CDH18: variants seen among roughly 807,000 people sequenced by gnomAD.
CDH18 encodes cadherin-18.
CDH18 carries 31 observed loss-of-function variants against 67.9 expected under a neutral mutation model. That is an observed-to-expected ratio of 0.46 (90% CI 0.34 to 0.62). CDH18 has a LOEUF of 0.62. Among genes scored for constraint, CDH18 ranks in the 20% least tolerant of loss-of-function variants. The pLI is 0.01. For synonymous variants in CDH18, 362 were observed against 347.2 expected, an observed-to-expected ratio of 1.04 and a Z score of -0.48; for missense variants, 890 against 975.5, an observed-to-expected ratio of 0.91 and a Z score of 1.17.
chr5:20,194,435 C>CA (rs1353817349), intron 2 of CDH18, among the ~76,000 whole-genome samples: 1 of 151,884 alleles, frequency 6.6e-6, no homozygotes, highest in Non-Finnish European at 1.5e-5. Flanking sequence ...ACTAAATCTA[C>CA]AAAAAAGACC....
chr5:20,268,999 A>G (rs778480484), intron 1 of CDH18, among the ~76,000 whole-genome samples: 5 of 152,212 alleles, frequency 3.3e-5, no homozygotes, highest in Non-Finnish European at 5.9e-5. Context: ...AATATCCACA[A>G]TATAGAAGTA....
At chr5:19,887,173 AC>A (rs1348075080) in intron 2 of CDH18, among the ~76,000 whole-genome samples, 1 of 147,224 alleles carries the variant, frequency 6.8e-6, no homozygotes, top group African/African-American at 2.5e-5. Context: ...TTTTTTTGCT[AC>A]CCTTGGCCAT....
chr5:19,659,583 A>T (rs1756885255), intron 5 of CDH18, among the ~76,000 whole-genome samples: 1 of 152,172 alleles, frequency 6.6e-6, no homozygotes, highest in Non-Finnish European at 1.5e-5. Context: ...TTGAAATTTA[A>T]TCTCTAATAC....
At chr5:19,487,661 A>T (rs915594040) in intron 11 of CDH18, among the ~76,000 whole-genome samples, 1 of 152,134 alleles carries the variant, frequency 6.6e-6, no homozygotes, top group African/African-American at 2.4e-5. Context: ...ATGTATTTTA[A>T]TATTTAAAAA....
At chr5:19,985,965 T>C (rs909493321) in intron 1 of CDH18, among the ~76,000 whole-genome samples, 7 of 152,194 alleles carry the variant, frequency 4.6e-5, no homozygotes, top group African/African-American at 1.7e-4. Context: ...ACTTAAGGTA[T>C]ACTTCTGTGC....
intron 5 of CDH18, among the ~76,000 whole-genome samples, chr5:19,629,975 C>T (rs1307585866): frequency 1.3e-5 from 2 of 152,026 alleles, no homozygotes; most frequent in African/African-American, 4.8e-5. Flanking sequence ...CTCACTCCAT[C>T]GTACAGGCTG....
At chr5:19,959,925 G>A (rs1379879695) in intron 2 of CDH18, among the ~76,000 whole-genome samples, 2 of 152,006 alleles carry the variant, frequency 1.3e-5, no homozygotes, top group Admixed American at 1.3e-4. Flanking sequence ...TTATGTATCT[G>A]AACATTTTTA....
chr5:19,500,226 T>C (rs929465621), intron 11 of CDH18, among the ~76,000 whole-genome samples: 1 of 152,190 alleles, frequency 6.6e-6, no homozygotes, highest in African/African-American at 2.4e-5. Context: ...TGAATAAATA[T>C]ATGTATGTAA....
intron 3 of CDH18, among the ~76,000 whole-genome samples, chr5:19,781,299 C>T (rs1342509567): frequency 1.6e-4 from 25 of 151,558 alleles, no homozygotes; most frequent in Admixed American, 1.6e-3. Flanking sequence ...TTTCTCAATT[C>T]CTGTATGAAA....
chr5:20,306,623 A>C (rs1013456148), intron 1 of CDH18, among the ~76,000 whole-genome samples: 1 of 152,212 alleles, frequency 6.6e-6, no homozygotes, highest in Non-Finnish European at 1.5e-5. Context: ...ATCAAATGTA[A>C]TGTTTGTATT....
At chr5:20,441,415 G>A (rs1298044853) in intron 1 of CDH18, among the ~76,000 whole-genome samples, 1 of 151,758 alleles carries the variant, frequency 6.6e-6, no homozygotes, top group African/African-American at 2.4e-5. Flanking sequence ...CAGGAATGAT[G>A]TGTGTGCGTC....
At chr5:19,580,630 T>G (rs887281833) in intron 7 of CDH18, among the ~76,000 whole-genome samples, 1 of 151,886 alleles carries the variant, frequency 6.6e-6, no homozygotes, top group African/African-American at 2.4e-5. Flanking sequence ...CCTAAACAAT[T>G]AACATATATT....
chr5:20,450,803 G>T (rs1750388680), intron 1 of CDH18, among the ~76,000 whole-genome samples: 1 of 152,110 alleles, frequency 6.6e-6, no homozygotes, highest in Admixed American at 6.6e-5. Flanking sequence ...TTCTGAGACT[G>T]GGTAATTTAT....
At chr5:20,422,117 G>GAATT (rs1747915079) in intron 1 of CDH18, among the ~76,000 whole-genome samples, 1 of 150,942 alleles carries the variant, frequency 6.6e-6, no homozygotes, top group African/African-American at 2.5e-5. Flanking sequence ...GGAAGAAACA[G>GAATT]AATTAACTAC....
At chr5:19,786,028 G>A (rs1182651723) in intron 3 of CDH18, among the ~76,000 whole-genome samples, 4 of 151,770 alleles carry the variant, frequency 2.6e-5, no homozygotes, top group African/African-American at 7.3e-5. Context: ...TTACAGTAAC[G>A]AGACATATTT....
chr5:19,941,216 A>G (rs764788558), intron 2 of CDH18, among the ~76,000 whole-genome samples: 28 of 152,006 alleles, frequency 1.8e-4, no homozygotes, highest in Non-Finnish European at 2.4e-4. Flanking sequence ...AGAAGTCTAT[A>G]ATCCAGGAAA....
intron 1 of CDH18, among the ~76,000 whole-genome samples, chr5:20,336,749 A>AAAAAAAAAT (rs1739804345): frequency 7.5e-6 from 1 of 134,090 alleles, no homozygotes; most frequent in Non-Finnish European, 1.7e-5. Flanking sequence ...AAAAAAAAAA[A>AAAAAAAAAT]AAAAAAGAAC....
At chr5:19,959,723 G>A (rs1796604114) in intron 2 of CDH18, among the ~76,000 whole-genome samples, 1 of 152,020 alleles carries the variant, frequency 6.6e-6, no homozygotes, top group Non-Finnish European at 1.5e-5. Flanking sequence ...ATCCCTTAAT[G>A]ACAGGAATGT....
At chr5:19,817,469 A>G (rs1779414961) in intron 3 of CDH18, among the ~76,000 whole-genome samples, 1 of 152,062 alleles carries the variant, frequency 6.6e-6, no homozygotes, top group South Asian at 2.1e-4. Flanking sequence ...AAGAGACAAT[A>G]AATACTCATT....
Sources: allele counts gnomAD v4.1 joint callset (sites outside exome capture counted in the v4.1 genomes callset), GRCh38; gene constraint gnomAD v4.1.1; transcripts MANE v1.5; gene names NCBI Gene and HGNC (gene_info 2026-07-23, HGNC 2026-07-21).